ABCB11: variants seen among roughly 807,000 people sequenced by gnomAD.
The protein encoded by ABCB11 is bile salt export pump.
Under a neutral mutation model 148.0 loss-of-function variants are expected in ABCB11, and 95 were observed. That is an observed-to-expected ratio of 0.64 (90% CI 0.54 to 0.76). The LOEUF (loss-of-function observed/expected upper bound fraction) is 0.76. ABCB11 is among the 30% of genes least tolerant of loss of function. ABCB11 has a pLI of 0.00. For synonymous variants in ABCB11, 591 were observed against 555.4 expected (o/e 1.06, Z -0.90); for missense variants, 1,523 against 1,617.8 (o/e 0.94, Z 1.01).
chr2:169,017,715 A>G lies in ABCB11; in HGVS notation c.76+335T>C, dbSNP rs373412922. On this transcript the variant is annotated intron_variant, in intron 2 of 27. Coordinates refer to ENST00000650372, the MANE Select transcript of ABCB11 (RefSeq NM_003742.4). ...AGTCTGGGCACAGTTCTTCCTAAGGAGGAGCGCTCACTCAATTATGATTAA... is the reference window on the plus strand; with the variant it reads ...AGTCTGGGCACAGTTCTTCCTAAGGGGGAGCGCTCACTCAATTATGATTAA... Among the ~76,000 whole-genome samples the G allele has an allele frequency of 2.6e-4, 40 of 152,232 alleles. No homozygotes were observed. The South Asian group carries it at 4.8e-3, about 18-fold the overall frequency.
At chr2:168,970,888 C>T (rs745414402) in intron 14 of ABCB11, among the ~76,000 whole-genome samples, 5 of 151,958 alleles carry the variant, frequency 3.3e-5, no homozygotes, top group African/African-American at 4.8e-5. Flanking sequence ...AAACACTGGG[C>T]CCAAAGTAAC....
intron 13 of ABCB11, 121 bp downstream of exon 13, chr2:168,973,594 T>C: frequency 8.0e-7 from 1 of 1,247,918 alleles, no homozygotes; most frequent in Non-Finnish European, 1.1e-6. Flanking sequence ...TAACAAATCA[T>C]TAAGTTAACT....
intron 19 of ABCB11, among the ~76,000 whole-genome samples, chr2:168,957,295 C>A (rs886767260): frequency 2.0e-5 from 3 of 151,662 alleles, no homozygotes; most frequent in Non-Finnish European, 4.4e-5. Flanking sequence ...AACAAGAATA[C>A]CTACCTTAGA....
Position 168,923,388 on chromosome 2 carries a change from T to G in ABCB11, c.*234A>C, listed in dbSNP as rs530978430. 29 of 580,100 alleles carry G rather than the reference T, an allele frequency of 5.0e-5. No homozygotes were observed. Among genetic ancestry groups the G allele is most frequent in the African/African-American group, 4.8e-4 (26 of 53,676 alleles). The allele number at this position is 580,100 out of a possible 1,614,324, so 35.9% of individuals were successfully genotyped here. A position where few individuals can be genotyped will look rare whatever the true frequency, so the allele number is the denominator to read the frequency against. ...ACTTGACATTGGGTTTTCCCTCATA[T>G]GGACCCTAGTTTCTTTCATTTTCTG... On this transcript the variant is annotated 3_prime_UTR_variant, in exon 28 of 28. Transcript: ENST00000650372.
chr2:168,996,344 C>A (rs1007992553), intron 6 of ABCB11, among the ~76,000 whole-genome samples: 2 of 151,974 alleles, frequency 1.3e-5, no homozygotes, highest in Admixed American at 1.3e-4. Context: ...TACAAACACA[C>A]CTGCAAATGT....
chr2:169,024,538 T>G (rs921283726), intron 1 of ABCB11, among the ~76,000 whole-genome samples: 1 of 152,188 alleles, frequency 6.6e-6, no homozygotes, highest in Non-Finnish European at 1.5e-5. Flanking sequence ...ATGTCTTACA[T>G]TAGTATTAAC....
intron 1 of ABCB11, among the ~76,000 whole-genome samples, chr2:169,025,400 T>G (rs1456489305): frequency 6.6e-6 from 1 of 152,184 alleles, no homozygotes; most frequent in East Asian, 1.9e-4. Context: ...AGGACTGGTG[T>G]GAAGATGAAA....
At chr2:168,955,126 C>G (rs1346407894) in intron 19 of ABCB11, among the ~76,000 whole-genome samples, 1 of 151,670 alleles carries the variant, frequency 6.6e-6, no homozygotes, top group African/African-American at 2.4e-5. Context: ...TATTTATCTC[C>G]TTGGTAAATT....
Position 168,943,332 on chromosome 2 carries a change from CTGAT to C in ABCB11, c.2610+1269_2610+1272del, listed in dbSNP as rs1182838418. Among the ~76,000 whole-genome samples the C allele has an allele frequency of 3.9e-5, 6 of 151,906 alleles. No homozygotes were observed. The South Asian group carries it at 6.2e-4, about 16-fold the overall frequency. The stretch of plus-strand genomic sequence containing the variant: ...CAAAATCTTCCAAAATGATTATACA[CTGAT>C]TGAGTGATTACATTTTGAGAACTAA... On this transcript the variant is annotated intron_variant, in intron 21 of 27. Coordinates refer to ENST00000650372, the MANE Select transcript of ABCB11 (RefSeq NM_003742.4).
rs4148792 is a variant in ABCB11, at chr2:168,965,447, GA to G, written c.2076-1140del. Among the ~76,000 whole-genome samples the G allele has an allele frequency of 0.023, 3,569 of 151,874 alleles. 416 individuals are homozygous for G. The East Asian group carries it at 0.39, about 16-fold the overall frequency. On this transcript the variant is annotated intron_variant, in intron 17 of 27. Coordinates refer to ENST00000650372, the MANE Select transcript of ABCB11 (RefSeq NM_003742.4). ...AAATGAAGCCAACAGTGAAATAGTA[GA>G]GCTGAGAAAGGAAGAGAGAGAAACT...
At chr2:168,988,437 T>A (rs951098985) in intron 9 of ABCB11, among the ~76,000 whole-genome samples, 2 of 152,156 alleles carry the variant, frequency 1.3e-5, no homozygotes, top group Non-Finnish European at 2.9e-5. Flanking sequence ...CAGTATTTTC[T>A]TCTTTTTAAA....
chr2:168,969,544 T>C lies in ABCB11; in HGVS notation c.1817A>G (p.His606Arg). ...AGCAACTGAAATGATTGTGTGCCCA[T>C]GCTGAATCTGTAAGAATGTACAGTG... ...MVQEVLSKIQ[H>R]GHTIISVAHR... The change falls in exon 16 of 28, where the codon CAT becomes CGT. Residue 606 changes from histidine to arginine, a missense_variant. His to Arg is a conservative substitution (Grantham distance 29). Coordinates refer to ENST00000650372, the MANE Select transcript of ABCB11 (RefSeq NM_003742.4). 1.2e-6 allele frequency: 2 copies of C among 1,612,112 alleles called. No homozygotes were observed. Among genetic ancestry groups the C allele is most frequent in the Non-Finnish European group, 1.7e-6 (2 of 1,178,882 alleles).
chr2:169,002,197 C>T lies in ABCB11; in HGVS notation c.390-5475G>A, dbSNP rs570749634. The stretch of plus-strand genomic sequence containing the variant: ...ATTTTGTAAAGATAAAAGGGTCAAT[C>T]CATCGTGAAGTGATAACATTTATGG... On this transcript the variant is annotated intron_variant, in intron 5 of 27. Transcript: ENST00000650372. Among the ~76,000 whole-genome samples, 7 of 152,140 alleles carry T rather than the reference C, an allele frequency of 4.6e-5. No homozygotes were observed. In the South Asian group the frequency reaches 1.2e-3, roughly 27 times the overall value.
chr2:168,915,438 T>C (rs1235676648), downstream of ABCB11, among the ~76,000 whole-genome samples: 1 of 152,242 alleles, frequency 6.6e-6, no homozygotes, highest in Non-Finnish European at 1.5e-5. Flanking sequence ...TAAAGATCTA[T>C]TGAGTAAGAT....
In ABCB11 at chr2:169,002,480, C is replaced by CA. The variant is rs1161972449; in HGVS notation, c.390-5759dup. Among the ~76,000 whole-genome samples, 3 of 152,096 alleles carry CA rather than the reference C, an allele frequency of 2.0e-5. No individual in the cohort carries two copies. The East Asian group carries it at 5.8e-4, about 29-fold the overall frequency. ...TCCAAGGAAAATGAAACCAATATAT[C>CA]AAAAAGATATCTACGCTCCCATGCA... On this transcript the variant is annotated intron_variant, in intron 5 of 27. Coordinates refer to ENST00000650372, the MANE Select transcript of ABCB11 (RefSeq NM_003742.4).
intron 26 of ABCB11, among the ~76,000 whole-genome samples, chr2:168,926,762 T>A (rs913836085): frequency 6.6e-6 from 1 of 152,190 alleles, no homozygotes; most frequent in African/African-American, 2.4e-5. Flanking sequence ...TCAGAAATGC[T>A]TGGGACCAGA....
chr2:168,973,631 T>C lies in ABCB11; in HGVS notation c.1434+84A>G, dbSNP rs1693690894. 5 of 1,519,230 alleles carry C rather than the reference T, an allele frequency of 3.3e-6. No homozygotes were observed. In the East Asian group the frequency reaches 6.9e-5, roughly 21 times the overall value. The allele number at this position is 1,519,230 out of a possible 1,614,324, so 94.1% of individuals were successfully genotyped here. A position where few individuals can be genotyped will look rare whatever the true frequency, so the allele number is the denominator to read the frequency against. ...TGCATGCCAGGACAGTCTCAATGTA[T>C]GCTACACCTTTCTGTTTGATCAATA... On this transcript the variant is annotated intron_variant, in intron 13 of 27. Coordinates refer to ENST00000650372, the MANE Select transcript of ABCB11 (RefSeq NM_003742.4).
chr2:168,976,949 C>T (rs753536317), intron 11 of ABCB11, among the ~76,000 whole-genome samples: 12 of 150,178 alleles, frequency 8.0e-5, no homozygotes, highest in African/African-American at 1.9e-4. Context: ...ACTCATTAAA[C>T]GTTTATTAAT....
intron 16 of ABCB11, among the ~76,000 whole-genome samples, chr2:168,969,130 A>AG (rs1558893710): frequency 1.3e-5 from 2 of 148,204 alleles, no homozygotes; most frequent in African/African-American, 2.5e-5. Context: ...AAAAAAAAAA[A>AG]AGGGGGGGAT....
Sources: allele counts gnomAD v4.1 joint callset (sites outside exome capture counted in the v4.1 genomes callset), GRCh38; gene constraint gnomAD v4.1.1; transcripts MANE v1.5; gene names NCBI Gene and HGNC (gene_info 2026-07-23, HGNC 2026-07-21).